The following SORCS1 variants were observed in gnomAD, a reference collection of about 807,000 sequenced individuals.
The protein encoded by SORCS1 is VPS10 domain-containing receptor SorCS1.
A neutral mutation model predicts 146.1 loss-of-function variants in SORCS1; 60 were observed. The observed-to-expected ratio is 0.41, with a 90% confidence interval of 0.33 to 0.51. The LOEUF (loss-of-function observed/expected upper bound fraction) is 0.51, where lower values mean the gene tolerates loss of function less well. Ranked by LOEUF, SORCS1 falls within the 20% of genes least tolerant of loss-of-function variation. The pLI is 0.21. For synonymous variants in SORCS1, 637 were observed against 584.0 expected, an observed-to-expected ratio of 1.09 and a Z score of -1.31; for missense variants, 1,352 against 1,487.6, an observed-to-expected ratio of 0.91 and a Z score of 1.50.
intron 2 of SORCS1, among the ~76,000 whole-genome samples, chr10:106,874,162 C>T (rs535421283): frequency 1.3e-5 from 2 of 152,292 alleles, no homozygotes; most frequent in African/African-American, 4.8e-5. Flanking sequence ...CTGGACCCCA[C>T]AATAGCAGTC....
At chr10:107,165,317 G>GTT (rs1347654923), upstream of SORCS1, among the ~76,000 whole-genome samples, 1 of 151,316 alleles carries the variant, frequency 6.6e-6, no homozygotes, top group Non-Finnish European at 1.5e-5. This position sits in a 1 kb window ranked among gnomAD's most constrained non-coding sequence, Gnocchi z 4.0. Context: ...GTGTGTGTGT[G>GTT]TGTGTTAGTT....
intron 4 of SORCS1, among the ~76,000 whole-genome samples, chr10:106,767,106 G>A (rs1251764730): frequency 5.3e-5 from 8 of 152,200 alleles, no homozygotes; most frequent in African/African-American, 1.9e-4. Context: ...TACTTGTGGG[G>A]AGCTGATGTA....
At chr10:107,114,265 C>T (rs1278573452) in intron 1 of SORCS1, among the ~76,000 whole-genome samples, 1 of 152,140 alleles carries the variant, frequency 6.6e-6, no homozygotes, top group African/African-American at 2.4e-5. Flanking sequence ...CATCTCCAAA[C>T]TAATTTTATG....
chr10:106,761,962 G>A (rs1309881236), intron 4 of SORCS1, among the ~76,000 whole-genome samples: 2 of 152,210 alleles, frequency 1.3e-5, no homozygotes, highest in Non-Finnish European at 2.9e-5. Context: ...TCTGCCTGGC[G>A]ATAAAGTCAG....
At chr10:106,756,877 G>C (rs1312754128) in intron 5 of SORCS1, among the ~76,000 whole-genome samples, 1 of 152,154 alleles carries the variant, frequency 6.6e-6, no homozygotes, top group Non-Finnish European at 1.5e-5. Context: ...TGAACCAGAT[G>C]CCTCCTTGCC....
At chr10:107,137,210 C>T (rs1017647158) in intron 1 of SORCS1, among the ~76,000 whole-genome samples, 5 of 152,144 alleles carry the variant, frequency 3.3e-5, no homozygotes, top group African/African-American at 7.2e-5. Context: ...GAGGATGAAG[C>T]CAACCTTGGG....
In SORCS1 at chr10:106,721,709, A is replaced by G. The variant is rs183498970; in HGVS notation, c.1024+8341T>C. On this transcript the variant is annotated intron_variant, in intron 6 of 25. Coordinates refer to ENST00000263054, the MANE Select transcript of SORCS1 (RefSeq NM_052918.5). The stretch of plus-strand genomic sequence containing the variant: ...ATGTTTACAAAAATTTGAAATGTAT[A>G]TAATCTCTGACCCAGGAATTTTCCT... Among the ~76,000 whole-genome samples the G allele has an allele frequency of 1.9e-3, 293 of 152,368 alleles. 2 individuals carry two copies. Among genetic ancestry groups the G allele is most frequent in the African/African-American group, 6.5e-3 (270 of 41,586 alleles).
At chr10:106,970,541 C>T (rs900231653) in intron 1 of SORCS1, among the ~76,000 whole-genome samples, 2 of 151,882 alleles carry the variant, frequency 1.3e-5, no homozygotes, top group African/African-American at 2.4e-5. Flanking sequence ...AGGGTTTCGC[C>T]ATGTTGGCCA....
At chr10:106,666,436 G>C (rs114343752) in intron 17 of SORCS1, among the ~76,000 whole-genome samples, 39 of 152,186 alleles carry the variant, frequency 2.6e-4, no homozygotes, top group Non-Finnish European at 4.6e-4. Context: ...CTTCAGATTC[G>C]AACTACAACT....
intron 3 of SORCS1, among the ~76,000 whole-genome samples, chr10:106,806,384 A>AAAAATAAAATAAAAT (rs201338721): frequency 0.13 from 17,966 of 139,490 alleles, 1,406 homozygotes; most frequent in Non-Finnish European, 0.18. Flanking sequence ...AAAATAAAAT[A>AAAAATAAAATAAAAT]AAAATAAAAT....
In SORCS1 at chr10:106,982,364, A is replaced by G. The variant is rs184724524; in HGVS notation, c.559-25784T>C. Among the ~76,000 whole-genome samples, 22 of 152,268 alleles carry G rather than the reference A, an allele frequency of 1.4e-4. No individual in the cohort carries two copies. The East Asian group carries it at 4.1e-3, about 28-fold the overall frequency. ...TAACAAAATTGTACTTCTGCCTTCC[A>G]TGGTAAGGATCATACTTTTTCAACA... On this transcript the variant is annotated intron_variant, in intron 1 of 25. Transcript: ENST00000263054.
chr10:107,143,464 A>T (rs561034374), intron 1 of SORCS1, among the ~76,000 whole-genome samples: 1 of 152,218 alleles, frequency 6.6e-6, no homozygotes, highest in East Asian at 1.9e-4. Context: ...AGTAGCTGGG[A>T]CTACAGACGC....
At chr10:107,025,071 T>A (rs927674340) in intron 1 of SORCS1, among the ~76,000 whole-genome samples, 1 of 152,134 alleles carries the variant, frequency 6.6e-6, no homozygotes, top group Non-Finnish European at 1.5e-5. Context: ...ACCAGTAATA[T>A]TAATTATGTC....
chr10:106,709,040 G>A (rs1589709972), intron 7 of SORCS1, among the ~76,000 whole-genome samples, 183 bp downstream of exon 7: 1 of 152,076 alleles, frequency 6.6e-6, no homozygotes, highest in South Asian at 2.1e-4. Context: ...TAGTATAGAA[G>A]ATTCCACACT....
chr10:106,854,814 T>G (rs529982698), intron 2 of SORCS1, among the ~76,000 whole-genome samples: 96 of 152,124 alleles, frequency 6.3e-4, no homozygotes, highest in Non-Finnish European at 1.1e-3. Flanking sequence ...TAAGCATACC[T>G]AAGTGTGTAT....
intron 1 of SORCS1, among the ~76,000 whole-genome samples, chr10:106,970,936 G>A (rs1482917321): frequency 1.5e-5 from 2 of 134,246 alleles, no homozygotes; most frequent in Non-Finnish European, 1.6e-5. Context: ...TTTCAGTAGA[G>A]ATGGGGTTTC....
rs1006972121 is a variant in SORCS1 at position 107,164,601 on chromosome 10, G to T, written c.-75C>A. On this transcript the variant is annotated 5_prime_UTR_variant, in exon 1 of 26. Coordinates refer to ENST00000263054, the MANE Select transcript of SORCS1 (RefSeq NM_052918.5). The surrounding 1 kb of genome is among the most constrained non-coding windows in gnomAD (Gnocchi z 6.8). ...GCACGAGCTCTGCGCTGGCGGCTGT[G>T]GGGGGCCGGCGCTCAGGACCCCAAC... is the stretch of plus-strand genomic sequence containing the variant. 1.2e-5 allele frequency: 14 copies of T among 1,213,698 alleles called. No homozygotes were observed. The highest frequency in any genetic ancestry group is 5.2e-5 in the South Asian group (2 of 38,136). The allele number at this position is 1,213,698 out of a possible 1,614,324, so 75.2% of individuals were successfully genotyped here.
At chr10:106,946,538 C>T (rs185099104) in intron 2 of SORCS1, among the ~76,000 whole-genome samples, 8 of 152,340 alleles carry the variant, frequency 5.3e-5, no homozygotes, top group Non-Finnish European at 8.8e-5. Context: ...CCATGTAAGA[C>T]GTGGCTTTGC....
At chr10:106,912,843 T>C (rs1952230785) in intron 2 of SORCS1, among the ~76,000 whole-genome samples, 1 of 152,006 alleles carries the variant, frequency 6.6e-6, no homozygotes, top group Admixed American at 6.6e-5. Context: ...CATGCCCGGC[T>C]AATTTTTGTA....
Sources: allele counts gnomAD v4.1 joint callset (sites outside exome capture counted in the v4.1 genomes callset), GRCh38; gene constraint gnomAD v4.1.1; non-coding constraint Gnocchi (gnomAD v3.1); transcripts MANE v1.5; gene names NCBI Gene and HGNC (gene_info 2026-07-23, HGNC 2026-07-21).